The following LRP4 variants were observed in gnomAD, a reference collection of about 807,000 sequenced individuals.
The protein encoded by LRP4 is LDL receptor related protein 4.
In LRP4, 95 loss-of-function variants were observed where a neutral mutation model predicts 220.3. That is an observed-to-expected ratio of 0.43 (90% CI 0.37 to 0.51). The LOEUF (loss-of-function observed/expected upper bound fraction) is 0.51, where lower values mean the gene tolerates loss of function less well. Among genes scored for constraint, LRP4 ranks in the 20% least tolerant of loss-of-function variants. The probability of loss-of-function intolerance (pLI) is 0.00; values close to 1 mark genes in which losing one functional copy is unlikely to be tolerated. For synonymous variants in LRP4, 903 were observed against 954.6 expected (o/e 0.95, Z 1.00); for missense variants, 1,925 against 2,567.0 (o/e 0.75, Z 5.40).
chr11:46,912,354 T>C (rs886983825), intron 1 of LRP4, among the ~76,000 whole-genome samples: 1 of 152,192 alleles, frequency 6.6e-6, no homozygotes. Context: ...TTTGCAAAAA[T>C]TGTCATTGGA....
rs60125188 is a variant in LRP4 at position 46,881,058 on chromosome 11, C to CAAAAAAA, written c.2814+637_2814+643dup. Among the ~76,000 whole-genome samples, 118 of 56,112 alleles carry CAAAAAAA rather than the reference C, an allele frequency of 2.1e-3. 10 individuals carry two copies. The East Asian group carries it at 0.023, about 11-fold the overall frequency. The allele number at this position is 56,112 out of a possible 152,430, so 36.8% of individuals were successfully genotyped here. ...CAGCATGACCCTGCCTCTAAAAAACCAAAAAAAAAAAAAAAAAAAAAAAAA... is the reference window on the plus strand; with the variant it reads ...CAGCATGACCCTGCCTCTAAAAAACCAAAAAAAAAAAAAAAAAAAAAAAAAAAAAAAA... On this transcript the variant is annotated intron_variant, in intron 20 of 37. Coordinates refer to ENST00000378623, the MANE Select transcript of LRP4 (RefSeq NM_002334.4).
rs958740218 is a variant in LRP4 at position 46,872,960 on chromosome 11, AT to A, written c.4583+139del. On this transcript the variant is annotated intron_variant, in intron 30 of 37. Transcript: ENST00000378623. ...TTAGCAATCGCTGCTCTAAGAATAT[AT>A]TCCCTTATCCTTCTCAATGATTCCT... The A allele has an allele frequency of 2.4e-6, 3 of 1,225,166 alleles. No individual in the cohort carries two copies. In the African/African-American group the frequency reaches 4.5e-5, roughly 18 times the overall value. The allele number at this position is 1,225,166 out of a possible 1,614,324, so 75.9% of individuals were successfully genotyped here.
Position 46,865,160 on chromosome 11 carries a change from C to T in LRP4, c.5114G>A (p.Gly1705Asp), listed in dbSNP as rs898009585. 1.3e-5 allele frequency: 20 copies of T among 1,559,426 alleles called. No individual in the cohort carries two copies. Among genetic ancestry groups the T allele is most frequent in the Non-Finnish European group, 1.4e-5 (16 of 1,150,910 alleles). ...GRCSERDARLGLCARSNDAVP... is the reference protein window; with the variant it reads ...GRCSERDARLDLCARSNDAVP... Reference sequence around the variant, plus strand: ...AGCGTCATTGGAACGTGCACAGAGGCCCAGCCTGGCATCCCTTTCAGAGCA... The same window carrying T: ...AGCGTCATTGGAACGTGCACAGAGGTCCAGCCTGGCATCCCTTTCAGAGCA... Residue 1705 changes from glycine to aspartate, a missense_variant, in exon 35 of 38, where the codon GGC becomes GAC. Physicochemically the swap from Gly to Asp is moderately conservative, Grantham distance 94. Coordinates refer to ENST00000378623, the MANE Select transcript of LRP4 (RefSeq NM_002334.4).
intron 22 of LRP4, 124 bp downstream of exon 22, chr11:46,878,783 G>C: frequency 7.1e-7 from 1 of 1,400,812 alleles, no homozygotes; most frequent in South Asian, 1.2e-5. Context: ...CTCTCCCCTG[G>C]GCCTCTAGAA....
intron 16 of LRP4, 121 bp from the exon 17 acceptor site, chr11:46,886,654 G>A: frequency 2.4e-6 from 2 of 821,078 alleles, no homozygotes; most frequent in Non-Finnish European, 4.1e-6. Context: ...GGTGCCCTTT[G>A]CCCCCTATAC....
At chr11:46,895,064 A>C in intron 11 of LRP4, 102 bp downstream of exon 11, 1 of 1,541,668 alleles carries the variant, frequency 6.5e-7, no homozygotes, top group Non-Finnish European at 8.9e-7. Context: ...TTACTGTGAC[A>C]GAAATCTCTC....
In LRP4 at chr11:46,875,601, C is replaced by A. The variant is rs558847726; in HGVS notation, c.3780G>T (p.Leu1260=). ...CAGTCCAGTAGATATAGGAGTCGAG[C>A]AGGGTGAGGCCATATGGGTGCTGCA... ...SPVQHPYGLT[L]LDSYIYWTDW... Residue 1260 remains leucine (L), a synonymous_variant, in exon 27 of 38, where the codon CTG becomes CTT. Coordinates refer to ENST00000378623, the MANE Select transcript of LRP4 (RefSeq NM_002334.4). This position sits in a 1 kb window ranked among gnomAD's most constrained non-coding sequence, Gnocchi z 4.5. 1 of 1,614,156 alleles carries A rather than the reference C, an allele frequency of 6.2e-7. No homozygotes were observed. Among genetic ancestry groups the A allele is most frequent in the African/African-American group, 1.3e-5 (1 of 75,028 alleles).
At chr11:46,864,694 T>TCCCATTCTCA (rs1365024887) in intron 35 of LRP4, among the ~76,000 whole-genome samples, 159 bp from the exon 36 acceptor site, 1 of 152,018 alleles carries the variant, frequency 6.6e-6, no homozygotes, top group African/African-American at 2.4e-5. Context: ...AAATGGGAGG[T>TCCCATTCTCA]GCAGGGAGGA....
chr11:46,873,471 G>A lies in LRP4; in HGVS notation c.4352C>T (p.Thr1451Ile), dbSNP rs1259111564. Residue 1451 changes from threonine to isoleucine, a missense_variant, in exon 29 of 38, where the codon ACC (threonine) becomes ATC (isoleucine). Thr to Ile is a moderately conservative substitution (Grantham distance 89). Transcript: ENST00000378623. The surrounding 1 kb of genome is among the most constrained non-coding windows in gnomAD (Gnocchi z 4.2). The part of the protein sequence containing the change: ...NLYWTDTGRN[T>I]IEASRLDGSC... ...ACCATCCAGCCTGGACGCCTCAATG[G>A]TATTTCGACCTGTGTCTGTCCAGTA... 1 of 1,614,076 alleles carries A rather than the reference G, an allele frequency of 6.2e-7. No homozygotes were observed. The highest frequency in any genetic ancestry group is 1.3e-5 in the African/African-American group (1 of 74,930).
At chr11:46,882,000 TCCTC>T in intron 19 of LRP4, 97 bp from the exon 20 acceptor site, 1 of 1,178,470 alleles carries the variant, frequency 8.5e-7, no homozygotes, top group South Asian at 1.3e-5. Context: ...CTGAAGCAGA[TCCTC>T]ATCAGCCTCA....
intron 1 of LRP4, among the ~76,000 whole-genome samples, chr11:46,905,425 T>G (rs1941743807): frequency 6.6e-6 from 1 of 152,190 alleles, no homozygotes; most frequent in South Asian, 2.1e-4. Flanking sequence ...ATAAGGCTAA[T>G]AAGGATCTCA....
chr11:46,862,988 G>C, intron 36 of LRP4: 1 of 530,732 alleles, frequency 1.9e-6, no homozygotes, highest in Non-Finnish European at 3.4e-6. Flanking sequence ...AACTGGTTCT[G>C]GTCTTGAGTT....
chr11:46,899,507 G>T lies in LRP4; in HGVS notation c.431-4C>A. 6.3e-7 allele frequency: 1 copy of T among 1,598,800 alleles called. No individual in the cohort carries two copies. Among genetic ancestry groups the T allele is most frequent in the Non-Finnish European group, 8.6e-7 (1 of 1,167,082 alleles). ...TTGTCGGAGCACTTGCGCATGTCTG[G>T]GGGGATGCGATGGGACAGCAGTTCT... On this transcript the variant is annotated splice_polypyrimidine_tract_variant and splice_region_variant and intron_variant, in intron 4 of 37. Transcript: ENST00000378623. This position sits in a 1 kb window ranked among gnomAD's most constrained non-coding sequence, Gnocchi z 5.9.
At chr11:46,892,351 C>A (rs1941440818) in intron 13 of LRP4, among the ~76,000 whole-genome samples, 1 of 152,162 alleles carries the variant, frequency 6.6e-6, no homozygotes, top group African/African-American at 2.4e-5. Flanking sequence ...GAAACACCTA[C>A]AACTTATCTA....
chr11:46,901,302 T>C (rs925158629), intron 2 of LRP4, among the ~76,000 whole-genome samples: 7 of 152,238 alleles, frequency 4.6e-5, no homozygotes, highest in African/African-American at 9.6e-5. Flanking sequence ...AGCGCCTTTT[T>C]CCCCTCCTTT....
chr11:46,890,685 CT>C lies in LRP4; in HGVS notation c.1698-192del, dbSNP rs1302196884. Among the ~76,000 whole-genome samples, 1 of 152,096 alleles carries C rather than the reference CT, an allele frequency of 6.6e-6. No homozygotes were observed. Among genetic ancestry groups the C allele is most frequent in the African/African-American group, 2.4e-5 (1 of 41,388 alleles). On this transcript the variant is annotated intron_variant, in intron 13 of 37. Transcript: ENST00000378623. This position sits in a 1 kb window ranked among gnomAD's most constrained non-coding sequence, Gnocchi z 5.3. Reference sequence around the variant, plus strand: ...GGAGGGCAGGTGAGATTACAGCTCACTGCGGCCTCAATCTCCTGGGCTCAGA... The same window carrying C: ...GGAGGGCAGGTGAGATTACAGCTCACGCGGCCTCAATCTCCTGGGCTCAGA...
In LRP4 at chr11:46,875,908, C is replaced by T. The variant is rs1941001884; in HGVS notation, c.3595G>A (p.Gly1199Ser). 6.2e-7 allele frequency: 1 copy of T among 1,614,004 alleles called. No individual in the cohort carries two copies. ...NAKLERSGMD[G>S]SDRAVLINNN... is the part of the protein sequence containing the mutation. ...TTGATGAGCACCGCGCGGTCTGAGC[C>T]ATCCATTCCGGACCGCTCTAACTTG... is the stretch of plus-strand genomic sequence containing the variant. Residue 1199 changes from glycine (G) to serine (S), a missense_variant, in exon 26 of 38, where the codon GGC becomes AGC. Physicochemically the swap from Gly to Ser is moderately conservative, Grantham distance 56 (BLOSUM62 0). Coordinates refer to ENST00000378623, the MANE Select transcript of LRP4 (RefSeq NM_002334.4). This position sits in a 1 kb window ranked among gnomAD's most constrained non-coding sequence, Gnocchi z 4.5.
chr11:46,903,091 G>A (rs1328836466), intron 1 of LRP4, among the ~76,000 whole-genome samples, 162 bp from the exon 2 acceptor site: 1 of 152,146 alleles, frequency 6.6e-6, no homozygotes, highest in Non-Finnish European at 1.5e-5. Flanking sequence ...CTCCTCCAGG[G>A]CATAAACGAC....
In LRP4 at chr11:46,875,784, A is replaced by G; in HGVS notation, c.3699+20T>C. The G allele has an allele frequency of 2.5e-6, 4 of 1,614,064 alleles. No homozygotes were observed. Among genetic ancestry groups the G allele is most frequent in the Non-Finnish European group, 3.4e-6 (4 of 1,179,996 alleles). ...CCATCTTCCCAGGCTCCTGGGAAGC[A>G]GCAGGGACACGGCTCTCACCTCGGT... is the stretch of plus-strand genomic sequence containing the variant. On this transcript the variant is annotated intron_variant, in intron 26 of 37. Transcript: ENST00000378623. This position sits in a 1 kb window ranked among gnomAD's most constrained non-coding sequence, Gnocchi z 4.5.
Sources: gnomAD v4.1 joint callset for allele counts (sites outside exome capture counted in the v4.1 genomes callset) on GRCh38, gnomAD v4.1.1 for gene constraint, Gnocchi (gnomAD v3.1) non-coding constraint, MANE v1.5 for transcripts, NCBI Gene and HGNC (gene_info 2026-07-23, HGNC 2026-07-21) for gene names.